CTNNA2: variants seen among roughly 807,000 people sequenced by gnomAD.
CTNNA2 encodes catenin alpha 2, also known as catenin alpha-2.
A neutral mutation model predicts 101.0 loss-of-function variants in CTNNA2; 42 were observed. The observed-to-expected ratio is 0.42, with a 90% CI of 0.32 to 0.54. The LOEUF is 0.54. Ranked by LOEUF, CTNNA2 falls within the 20% of genes least tolerant of loss-of-function variation. The probability of loss-of-function intolerance (pLI) is 0.14; values close to 1 mark genes in which losing one functional copy is unlikely to be tolerated. For synonymous variants in CTNNA2, 450 were observed against 456.4 expected, an observed-to-expected ratio of 0.99 and a Z score of 0.18; for missense variants, 871 against 1,223.1, an observed-to-expected ratio of 0.71 and a Z score of 4.29.
chr2:79,495,962 G>A (rs1671251796), intron 4 of CTNNA2, among the ~76,000 whole-genome samples: 1 of 152,058 alleles, frequency 6.6e-6, no homozygotes, highest in Non-Finnish European at 1.5e-5. Context: ...GGCTAAGAAG[G>A]GGAGGGGCGA....
At chr2:80,182,266 G>C (rs1416516640) in intron 7 of CTNNA2, among the ~76,000 whole-genome samples, 1 of 152,186 alleles carries the variant, frequency 6.6e-6, no homozygotes, top group Non-Finnish European at 1.5e-5. Context: ...AGAACTTGGA[G>C]TCCAATGTTT....
chr2:79,535,191 G>T (rs903819027), intron 1 of CTNNA2, among the ~76,000 whole-genome samples: 7 of 151,590 alleles, frequency 4.6e-5, no homozygotes, highest in Non-Finnish European at 8.8e-5. Flanking sequence ...TCAGAAAAAT[G>T]AATAAACTAT....
intron 2 of CTNNA2, among the ~76,000 whole-genome samples, chr2:79,280,559 A>T (rs1675337303): frequency 6.6e-6 from 1 of 151,890 alleles, no homozygotes; most frequent in Non-Finnish European, 1.5e-5. Context: ...AAACTGGGGT[A>T]ACAAAGACTG....
chr2:79,969,425 A>G (rs998861484), intron 7 of CTNNA2, among the ~76,000 whole-genome samples: 3 of 152,244 alleles, frequency 2.0e-5, no homozygotes, highest in Non-Finnish European at 4.4e-5. Context: ...GCATAAGAAC[A>G]TGGCTAAAGA....
intron 7 of CTNNA2, among the ~76,000 whole-genome samples, chr2:80,292,631 C>T (rs1675365810): frequency 6.6e-6 from 1 of 152,324 alleles, no homozygotes; most frequent in South Asian, 2.1e-4. Flanking sequence ...GAGGCCTCTT[C>T]TGCATACTCT....
chr2:80,509,063 G>A (rs138177607), intron 9 of CTNNA2, among the ~76,000 whole-genome samples: 1 of 152,268 alleles, frequency 6.6e-6, no homozygotes, highest in Non-Finnish European at 1.5e-5. Flanking sequence ...GAAGGTTTAG[G>A]TGCCAAAAGC....
At chr2:79,457,654 T>C (rs1670839922) in intron 4 of CTNNA2, among the ~76,000 whole-genome samples, 1 of 151,758 alleles carries the variant, frequency 6.6e-6, no homozygotes, top group South Asian at 2.1e-4. Context: ...TTTTTCTACT[T>C]ACCTTAGTTA....
At chr2:79,366,340 G>C (rs997264291) in intron 3 of CTNNA2, among the ~76,000 whole-genome samples, 2 of 152,184 alleles carry the variant, frequency 1.3e-5, no homozygotes, top group Non-Finnish European at 2.9e-5. Context: ...TGGAACACAG[G>C]CCGGCTAGGA....
chr2:79,561,234 A>G (rs570802092), intron 1 of CTNNA2, among the ~76,000 whole-genome samples: 11 of 151,946 alleles, frequency 7.2e-5, no homozygotes, highest in African/African-American at 2.6e-4. Context: ...AGGCTCATCA[A>G]TGTTGTAGCA....
chr2:79,281,821 C>A (rs576986639), intron 2 of CTNNA2, among the ~76,000 whole-genome samples: 35 of 152,274 alleles, frequency 2.3e-4, no homozygotes, highest in Admixed American at 5.9e-4. Context: ...GTGAATTTAT[C>A]AATTTATGGC....
At chr2:80,126,720 A>G (rs1384979890) in intron 7 of CTNNA2, among the ~76,000 whole-genome samples, 1 of 149,346 alleles carries the variant, frequency 6.7e-6, no homozygotes, top group African/African-American at 2.5e-5. Flanking sequence ...TCCCTTGTCT[A>G]CCAACTCATG....
chr2:80,472,222 A>G (rs1447827851), intron 9 of CTNNA2, among the ~76,000 whole-genome samples: 3 of 152,134 alleles, frequency 2.0e-5, no homozygotes, highest in African/African-American at 7.2e-5. Flanking sequence ...GAGAGTTACT[A>G]TGAGAGCCTA....
intron 18 of CTNNA2, among the ~76,000 whole-genome samples, chr2:80,646,866 T>C (rs1674149820): frequency 6.6e-6 from 1 of 152,118 alleles, no homozygotes; most frequent in African/African-American, 2.4e-5. Context: ...CCTCTGCATG[T>C]ATCAGCTCTC....
At chr2:79,709,583 C>T (rs1476154551) in intron 2 of CTNNA2, among the ~76,000 whole-genome samples, 2 of 152,014 alleles carry the variant, frequency 1.3e-5, no homozygotes, top group Non-Finnish European at 2.9e-5. Context: ...TAAATATAGA[C>T]TAAGGAGATT....
intron 7 of CTNNA2, among the ~76,000 whole-genome samples, chr2:80,367,751 A>G (rs1445976409): frequency 6.6e-6 from 1 of 152,112 alleles, no homozygotes; most frequent in Non-Finnish European, 1.5e-5. Context: ...AGAGGTAAGT[A>G]TTCAATATCA....
intron 4 of CTNNA2, among the ~76,000 whole-genome samples, chr2:79,462,406 G>A (rs1474254585): frequency 6.6e-6 from 1 of 152,202 alleles, no homozygotes; most frequent in Non-Finnish European, 1.5e-5. Context: ...ACATCCTCCA[G>A]GAACAGCTGA....
chr2:79,914,736 T>A (rs60440292), intron 7 of CTNNA2, among the ~76,000 whole-genome samples: 4,526 of 152,282 alleles, frequency 0.03, 238 homozygotes, highest in African/African-American at 0.1. Flanking sequence ...ATTGTATTTT[T>A]AAAAATAATT....
chr2:80,391,885 G>A (rs1172428823), intron 7 of CTNNA2, among the ~76,000 whole-genome samples: 2 of 152,200 alleles, frequency 1.3e-5, no homozygotes, highest in Non-Finnish European at 2.9e-5. Context: ...TGTGAGTTTA[G>A]GGAGTGGGAA....
At chr2:80,403,601 A>G (rs1479991431) in intron 8 of CTNNA2, among the ~76,000 whole-genome samples, 1 of 152,168 alleles carries the variant, frequency 6.6e-6, no homozygotes, top group East Asian at 1.9e-4. Flanking sequence ...CCTAATTATA[A>G]GGCTGGGTTT....
Sources: allele counts gnomAD v4.1 joint callset (sites outside exome capture counted in the v4.1 genomes callset), GRCh38; gene constraint gnomAD v4.1.1; transcripts MANE v1.5; gene names NCBI Gene and HGNC (gene_info 2026-07-23, HGNC 2026-07-21).